NELL2: variants seen among roughly 807,000 people sequenced by gnomAD.
The protein encoded by NELL2 is neural EGFL like 2, also known as protein kinase C-binding protein NELL2.
A neutral mutation model predicts 109.6 loss-of-function variants in NELL2; 41 were observed. The observed-to-expected ratio is 0.37, with a 90% CI of 0.29 to 0.49. The LOEUF (loss-of-function observed/expected upper bound fraction) is 0.49. Ranked by LOEUF, NELL2 falls within the 20% of genes least tolerant of loss-of-function variation. The pLI is 0.98. For synonymous variants in NELL2, 355 were observed against 344.7 expected (o/e 1.03, Z -0.33); for missense variants, 900 against 1,008.3 (o/e 0.89, Z 1.45).
upstream of NELL2, among the ~76,000 whole-genome samples, chr12:44,918,008 A>T (rs754992317): frequency 3.9e-5 from 6 of 152,234 alleles, no homozygotes; most frequent in Admixed American, 1.3e-4. Flanking sequence ...TTTTAGTTTG[A>T]ATATTTTGAG....
rs1201609435 is a variant in NELL2, at chr12:44,711,250, A to G, written c.1189+42T>C. 5 of 1,415,160 alleles carry G rather than the reference A, an allele frequency of 3.5e-6. No homozygotes were observed. The East Asian group carries it at 9.1e-5, about 26-fold the overall frequency. 87.7% of individuals were successfully genotyped at this position (1,415,160 alleles called of 1,614,324 possible). On this transcript the variant is annotated intron_variant, in intron 11 of 19. Transcript: ENST00000429094. Reference sequence around the variant, plus strand: ...ATGTCAGTTGTACTAGCCTACTATAATAACTCTTGCACGTAAACCTTACTT... The same window carrying G: ...ATGTCAGTTGTACTAGCCTACTATAGTAACTCTTGCACGTAAACCTTACTT...
chr12:44,865,823 A>T (rs1404356359), intron 2 of NELL2, among the ~76,000 whole-genome samples: 4 of 56,410 alleles, frequency 7.1e-5, no homozygotes, highest in Admixed American at 6.7e-4. Context: ...TAAAAAAAAA[A>T]ATTAAAAAAA....
At chr12:44,761,317 A>G (rs1941115750) in intron 9 of NELL2, among the ~76,000 whole-genome samples, 1 of 152,170 alleles carries the variant, frequency 6.6e-6, no homozygotes, top group African/African-American at 2.4e-5. Flanking sequence ...GCGGTGAGCC[A>G]AGATTGCGCC....
At chr12:44,885,651 G>C (rs757487851) in intron 1 of NELL2, among the ~76,000 whole-genome samples, 29 of 151,944 alleles carry the variant, frequency 1.9e-4, no homozygotes, top group Middle Eastern at 6.8e-3. Context: ...TGGATAAAAA[G>C]ATCTACGTGC....
chr12:44,748,231 A>C (rs1374255139), intron 9 of NELL2, among the ~76,000 whole-genome samples: 1 of 152,178 alleles, frequency 6.6e-6, no homozygotes, highest in Non-Finnish European at 1.5e-5. Flanking sequence ...GTATTCATAC[A>C]GGCTAACATA....
At chr12:44,841,758 C>T (rs537392784) in intron 2 of NELL2, among the ~76,000 whole-genome samples, 2 of 152,202 alleles carry the variant, frequency 1.3e-5, no homozygotes, top group South Asian at 2.1e-4. Context: ...CCAGGGCTCA[C>T]ACAGTGCTGG....
At chr12:44,688,431 A>C (rs1266874881) in intron 12 of NELL2, among the ~76,000 whole-genome samples, 1 of 152,230 alleles carries the variant, frequency 6.6e-6, no homozygotes, top group Non-Finnish European at 1.5e-5. Flanking sequence ...TTAATGACAA[A>C]CTTTTACTGA....
chr12:44,897,183 G>A (rs559721580), intron 1 of NELL2, among the ~76,000 whole-genome samples: 15 of 152,218 alleles, frequency 9.9e-5, no homozygotes, highest in African/African-American at 2.6e-4. Context: ...CATCAGGGTT[G>A]CCAAAAAACA....
intron 13 of NELL2, among the ~76,000 whole-genome samples, chr12:44,629,332 A>T (rs1269091852): frequency 1.3e-5 from 2 of 152,214 alleles, no homozygotes; most frequent in Non-Finnish European, 2.9e-5. Flanking sequence ...CATTTTTCCT[A>T]TTGATAGGAT....
chr12:44,787,643 C>T (rs1457717379), intron 3 of NELL2, among the ~76,000 whole-genome samples: 2 of 151,936 alleles, frequency 1.3e-5, no homozygotes, highest in African/African-American at 4.8e-5. Flanking sequence ...CAAGAATATA[C>T]CCACACAAAT....
intron 15 of NELL2, among the ~76,000 whole-genome samples, chr12:44,561,533 A>G (rs1418671093): frequency 6.6e-6 from 1 of 152,152 alleles, no homozygotes; most frequent in East Asian, 1.9e-4. Flanking sequence ...CTATACACTA[A>G]TAGACAGCCA....
chr12:44,663,439 G>A (rs1947817800), intron 13 of NELL2, among the ~76,000 whole-genome samples: 1 of 152,162 alleles, frequency 6.6e-6, no homozygotes, highest in South Asian at 2.1e-4. Context: ...GAAAATGCTA[G>A]TGCCTCATTA....
intron 1 of NELL2, among the ~76,000 whole-genome samples, chr12:44,912,598 T>G (rs754795811): frequency 5.9e-5 from 9 of 152,174 alleles, no homozygotes; most frequent in Non-Finnish European, 1.3e-4. Context: ...CACTGCAACT[T>G]AATTAAATTG....
chr12:44,724,646 G>A (rs1938969659), intron 9 of NELL2, among the ~76,000 whole-genome samples: 1 of 151,854 alleles, frequency 6.6e-6, no homozygotes, highest in Admixed American at 6.6e-5. Context: ...CTCACAGACA[G>A]GAAGAATCAA....
At chr12:44,867,157 C>A (rs1228620633) in intron 2 of NELL2, among the ~76,000 whole-genome samples, 2 of 152,046 alleles carry the variant, frequency 1.3e-5, no homozygotes, top group African/African-American at 4.8e-5. Context: ...TACTATGACA[C>A]CAAAGCCAAA....
chr12:44,509,120 C>G, intron 19 of NELL2, 136 bp from the exon 20 acceptor site: 1 of 705,770 alleles, frequency 1.4e-6, no homozygotes, highest in Non-Finnish European at 2.4e-6. Context: ...ATGGCCCAAT[C>G]ACTTTTCATG....
At chr12:44,561,395 G>A (rs1360630302) in intron 15 of NELL2, among the ~76,000 whole-genome samples, 1 of 152,148 alleles carries the variant, frequency 6.6e-6, no homozygotes, top group Admixed American at 6.5e-5. Flanking sequence ...AATTGTCTCT[G>A]TTTGCAGATG....
intron 2 of NELL2, among the ~76,000 whole-genome samples, chr12:44,864,171 T>A (rs4768075): frequency 0.8 from 121,456 of 152,098 alleles, 48,940 homozygotes; most frequent in Middle Eastern, 0.94. Context: ...GTCCAAAACT[T>A]CCATAAAACA....
chr12:44,659,853 T>C (rs1390055823), intron 13 of NELL2, among the ~76,000 whole-genome samples: 1 of 151,962 alleles, frequency 6.6e-6, no homozygotes, highest in Non-Finnish European at 1.5e-5. Flanking sequence ...TCCTATGATA[T>C]GTGACATGGA....
Sources: allele counts gnomAD v4.1 joint callset (sites outside exome capture counted in the v4.1 genomes callset), GRCh38; gene constraint gnomAD v4.1.1; transcripts MANE v1.5; gene names NCBI Gene and HGNC (gene_info 2026-07-23, HGNC 2026-07-21).